Variants in PTPRB observed in about 807,000 individuals in gnomAD.
PTPRB encodes receptor-type tyrosine-protein phosphatase beta.
PTPRB carries 97 observed loss-of-function variants against 238.1 expected under a neutral mutation model. The ratio of observed to expected loss-of-function variants is 0.41; its 90% CI spans 0.35 to 0.48. PTPRB has a LOEUF of 0.48. Ranked by LOEUF, PTPRB falls within the 20% of genes least tolerant of loss-of-function variation. The pLI is 0.30. For missense variants in PTPRB, 2,292 were observed against 2,681.9 expected (o/e 0.85, Z 3.21); for synonymous variants, 970 against 995.4 (o/e 0.97, Z 0.48).
At chr12:70,565,240 G>A (rs1879138286) in intron 15 of PTPRB, among the ~76,000 whole-genome samples, 1 of 152,060 alleles carries the variant, frequency 6.6e-6, no homozygotes, top group Non-Finnish European at 1.5e-5. Flanking sequence ...ATTACTCTCT[G>A]GCTAAAAGTT....
chr12:70,563,178 G>A, intron 15 of PTPRB, 71 bp from the exon 16 acceptor site: 3 of 1,393,346 alleles, frequency 2.2e-6, no homozygotes, highest in Non-Finnish European at 2.9e-6. Flanking sequence ...GTGGGGAAGA[G>A]GGAAAAGCAA....
rs374292920 is a variant in PTPRB at position 70,566,459 on chromosome 12, C to T, written c.3880G>A (p.Glu1294Lys). The T allele has an allele frequency of 1.3e-4, 205 of 1,613,760 alleles. No individual in the cohort carries two copies. The highest frequency in any genetic ancestry group is 1.6e-4 in the Middle Eastern group (1 of 6,080). Residue 1294 changes from glutamate to lysine, a missense_variant, in exon 15 of 34, where the codon GAA (glutamate) becomes AAA (lysine). This residue lies in a region of PTPRB where 683 missense variants were observed against 862.0 expected (regional missense o/e 0.79). Coordinates refer to ENST00000334414, the MANE Select transcript of PTPRB (RefSeq NM_001109754.4). ...CCTGTTCGGCCTTCAGTCTGGGCTT[C>T]CTTGCTAAAGAGGCCTCCACTGACA... ...LTVSGGLFSK[E>K]AQTEGRTVPA...
intron 20 of PTPRB, 144 bp from the exon 21 acceptor site, chr12:70,553,164 G>A (rs1469130907): frequency 2.9e-6 from 3 of 1,040,672 alleles, no homozygotes; most frequent in South Asian, 1.6e-5. Context: ...CTCAAAGAAC[G>A]ATGTGAAATT....
rs532242546 is a variant in PTPRB, at chr12:70,636,462, A to G, written c.56-396T>C. Among the ~76,000 whole-genome samples the G allele has an allele frequency of 3.2e-4, 48 of 152,282 alleles. 1 individual carries two copies. Among genetic ancestry groups the G allele is most frequent in the African/African-American group, 1.2e-3 (48 of 41,542 alleles). On this transcript the variant is annotated intron_variant, in intron 1 of 33. Coordinates refer to ENST00000334414, the MANE Select transcript of PTPRB (RefSeq NM_001109754.4). ...TCAGCTCCCTTTTTAACCATTTGAC[A>G]TATTCGATATAAGCTTCCTCCCTTA...
chr12:70,568,587 G>A (rs1277549524), intron 14 of PTPRB, among the ~76,000 whole-genome samples: 3 of 152,154 alleles, frequency 2.0e-5, no homozygotes, highest in Non-Finnish European at 2.9e-5. Context: ...GTGAGCTACC[G>A]CGCCTGGCCC....
chr12:70,588,590 G>A (rs1251477653), intron 8 of PTPRB, among the ~76,000 whole-genome samples: 2 of 151,694 alleles, frequency 1.3e-5, no homozygotes, highest in African/African-American at 2.4e-5. Context: ...CCAAGATCAT[G>A]CCATTGCACT....
intron 4 of PTPRB, among the ~76,000 whole-genome samples, chr12:70,607,335 C>A (rs1418583809): frequency 6.6e-6 from 1 of 152,148 alleles, no homozygotes. Flanking sequence ...AGATGCCTTT[C>A]TAAACACAAT....
At chr12:70,532,603 TTCTTTCCTTCCTTCTTTCTTTC>T (rs1873452067) in intron 31 of PTPRB, among the ~76,000 whole-genome samples, 1 of 152,112 alleles carries the variant, frequency 6.6e-6, no homozygotes, top group Non-Finnish European at 1.5e-5. Context: ...TTCTCGTTTC[TTCTTTCCTTCCTTCTTTCTTTC>T]TCTCTCCTTC....
At chr12:70,532,556 A>G (rs1250952845) in intron 31 of PTPRB, among the ~76,000 whole-genome samples, 1 of 152,012 alleles carries the variant, frequency 6.6e-6, no homozygotes, top group East Asian at 1.9e-4. Flanking sequence ...ACTCAATATT[A>G]TGTTTTCAGA....
Position 70,583,094 on chromosome 12 carries a change from T to G in PTPRB, c.2312-1792A>C, listed in dbSNP as rs180963439. Among the ~76,000 whole-genome samples the G allele has an allele frequency of 1.5e-3, 233 of 152,214 alleles. No homozygotes were observed. In the Middle Eastern group the frequency reaches 0.017, roughly 11 times the overall value. On this transcript the variant is annotated intron_variant, in intron 9 of 33. Coordinates refer to ENST00000334414, the MANE Select transcript of PTPRB (RefSeq NM_001109754.4). ...CTGAGAACACGGAGGAAGTGGAAAT[T>G]TCATACATTGCTGGTGGGAATGTAA...
intron 8 of PTPRB, among the ~76,000 whole-genome samples, chr12:70,588,312 T>C (rs1014881952): frequency 2.6e-5 from 4 of 152,162 alleles, no homozygotes; most frequent in Non-Finnish European, 4.4e-5. Flanking sequence ...TCAAGTTACC[T>C]GAATAAGGTG....
chr12:70,541,014 C>A lies in PTPRB; in HGVS notation c.5495-57G>T. On this transcript the variant is annotated intron_variant, in intron 22 of 33. Coordinates refer to ENST00000334414, the MANE Select transcript of PTPRB (RefSeq NM_001109754.4). ...AGGTGGGAAAATTAGTGCTAGGGAA[C>A]CAGTAAGAAAGCTATTGAAGCCATA... 2.2e-6 allele frequency: 3 copies of A among 1,376,566 alleles called. No homozygotes were observed. In the South Asian group the frequency reaches 3.8e-5, roughly 17 times the overall value. 85.3% of individuals were successfully genotyped at this position (1,376,566 alleles called of 1,614,324 possible).
At position 70,555,784 on chromosome 12, in the gene PTPRB, A is replaced by G. The variant is rs1877567631; in HGVS notation, c.4993+86T>C. 3 of 1,473,730 alleles carry G rather than the reference A, an allele frequency of 2.0e-6. No individual in the cohort carries two copies. In the East Asian group the frequency reaches 7.2e-5, roughly 35 times the overall value. The allele number at this position is 1,473,730 out of a possible 1,614,324, so 91.3% of individuals were successfully genotyped here. Reference sequence around the variant, plus strand: ...AAAAGTGAAGTGTATGCAAGTGAATAGCAGTGATGGATATGATAGAGAAAG... The same window carrying G: ...AAAAGTGAAGTGTATGCAAGTGAATGGCAGTGATGGATATGATAGAGAAAG... On this transcript the variant is annotated intron_variant, in intron 19 of 33. Coordinates refer to ENST00000334414, the MANE Select transcript of PTPRB (RefSeq NM_001109754.4).
At chr12:70,540,584 T>G (rs146647628) in intron 23 of PTPRB, 365 of 353,078 alleles carry the variant, frequency 1.0e-3, no homozygotes, top group Middle Eastern at 4.3e-3. Context: ...CAAAATATTT[T>G]TTTCCTGTGC....
At chr12:70,631,563 G>A (rs572153393) in intron 2 of PTPRB, among the ~76,000 whole-genome samples, 2 of 152,214 alleles carry the variant, frequency 1.3e-5, no homozygotes, top group South Asian at 4.1e-4. Flanking sequence ...GGCAACAAAA[G>A]CCAAAATAGA....
chr12:70,609,885 G>C (rs904077130), intron 3 of PTPRB: 1 of 1,445,488 alleles, frequency 6.9e-7, no homozygotes, highest in East Asian at 2.7e-5. Flanking sequence ...GCCGGGGCAG[G>C]GGGTCACCTG....
chr12:70,622,752 T>C, intron 2 of PTPRB, 106 bp from the exon 3 acceptor site: 3 of 1,301,006 alleles, frequency 2.3e-6, no homozygotes, highest in Non-Finnish European at 3.1e-6. Flanking sequence ...ATAATGGGCA[T>C]GTGGATAAGC....
intron 3 of PTPRB, among the ~76,000 whole-genome samples, 172 bp downstream of exon 3, chr12:70,622,217 CA>C (rs755943070): frequency 1.3e-5 from 2 of 152,092 alleles, no homozygotes; most frequent in Non-Finnish European, 2.9e-5. Context: ...GAGTCAATTG[CA>C]AAGATTTTCA....
At chr12:70,528,556 T>C (rs558912122) in intron 32 of PTPRB, among the ~76,000 whole-genome samples, 31 of 152,228 alleles carry the variant, frequency 2.0e-4, no homozygotes, top group African/African-American at 7.0e-4. Context: ...ACTGCTTGGA[T>C]GTGGGAACTG....
Sources: gnomAD v4.1 joint callset for allele counts (sites outside exome capture counted in the v4.1 genomes callset) on GRCh38, gnomAD v4.1.1 for gene constraint, gnomAD v4.1.1 regional missense constraint, MANE v1.5 for transcripts, NCBI Gene and HGNC (gene_info 2026-07-23, HGNC 2026-07-21) for gene names.